FRAS1: variants seen among roughly 807,000 people sequenced by gnomAD.
The protein encoded by FRAS1 is extracellular matrix organizing protein FRAS1.
In FRAS1, 290 loss-of-function variants were observed where a neutral mutation model predicts 435.2. The ratio of observed to expected loss-of-function variants is 0.67; its 90% confidence interval spans 0.61 to 0.73. The LOEUF (loss-of-function observed/expected upper bound fraction) is 0.73, where lower values mean the gene tolerates loss of function less well. Ranked by LOEUF, FRAS1 falls within the 30% of genes least tolerant of loss-of-function variation. The probability of loss-of-function intolerance (pLI) is 0.00; values close to 1 mark genes in which losing one functional copy is unlikely to be tolerated. For synonymous variants in FRAS1, 1,800 were observed against 1,851.0 expected (o/e 0.97, Z 0.71); for missense variants, 4,860 against 5,001.5 (o/e 0.97, Z 0.85).
intron 2 of FRAS1, among the ~76,000 whole-genome samples, chr4:78,090,446 AT>A (rs565546185): frequency 6.6e-6 from 1 of 151,910 alleles, no homozygotes; most frequent in African/African-American, 2.4e-5. Flanking sequence ...TTTTCTATTG[AT>A]TTTTTTTGCC....
rs147737003 is a variant in FRAS1, at chr4:78,093,628, T to C, written c.108+27612T>C. Among the ~76,000 whole-genome samples the C allele has an allele frequency of 2.2e-4, 33 of 152,284 alleles. No homozygotes were observed. In the East Asian group the frequency reaches 6.2e-3, roughly 28 times the overall value. On this transcript the variant is annotated intron_variant, in intron 2 of 73. Coordinates refer to ENST00000512123, the MANE Select transcript of FRAS1 (RefSeq NM_025074.7). The stretch of plus-strand genomic sequence containing the variant: ...TATCTGGCCAGATGCTCTCCAACAT[T>C]TTATTTTAAATTTTTTATAAGGAAC...
At chr4:78,059,117 G>A (rs910832122) in intron 1 of FRAS1, among the ~76,000 whole-genome samples, 1 of 152,196 alleles carries the variant, frequency 6.6e-6, no homozygotes, top group Admixed American at 6.5e-5. Context: ...CGGCTGGGCG[G>A]CGGCGGCGGG....
At chr4:78,519,030 A>G (rs1489078227) in intron 66 of FRAS1, among the ~76,000 whole-genome samples, 2 of 152,186 alleles carry the variant, frequency 1.3e-5, no homozygotes, top group African/African-American at 4.8e-5. Flanking sequence ...ATTTCAGCCA[A>G]ATCTTCTAGC....
intron 2 of FRAS1, among the ~76,000 whole-genome samples, chr4:78,140,630 C>T (rs537439899): frequency 4.6e-5 from 7 of 150,772 alleles, no homozygotes; most frequent in East Asian, 2.0e-4. Context: ...TGTGTATACG[C>T]ATATACATAT....
rs1176532861 is a variant in FRAS1 at position 78,544,052 on chromosome 4, G to GA, written c.*2929dup. On this transcript the variant is annotated 3_prime_UTR_variant, in exon 74 of 74. Coordinates refer to ENST00000512123, the MANE Select transcript of FRAS1 (RefSeq NM_025074.7). ...TTGGAATGTGTTTGCACAGTCTTAT[G>GA]ATATTCAGTCTCAGTCTGCTATAGG... 1 of 151,826 alleles carries GA rather than the reference G, an allele frequency of 6.6e-6. No individual in the cohort carries two copies. The highest frequency in any genetic ancestry group is 1.5e-5 in the Non-Finnish European group (1 of 68,042). 9.4% of individuals were successfully genotyped at this position (151,826 alleles called of 1,614,324 possible). A position where few individuals can be genotyped will look rare whatever the true frequency, so the allele number is the denominator to read the frequency against.
chr4:78,116,227 G>C (rs1369900985), intron 2 of FRAS1, among the ~76,000 whole-genome samples: 5 of 152,196 alleles, frequency 3.3e-5, no homozygotes, highest in African/African-American at 9.7e-5. Flanking sequence ...TTTTACATTT[G>C]CCAAGGAGTG....
At chr4:78,384,255 CTTG>C in intron 28 of FRAS1, 112 bp downstream of exon 28, 5 of 804,210 alleles carry the variant, frequency 6.2e-6, no homozygotes, top group Non-Finnish European at 7.8e-6. Context: ...TTAATCTAGT[CTTG>C]GTTTCCTCTT....
rs1234938876 is a variant in FRAS1 at position 78,448,058 on chromosome 4, G to A, written c.6016G>A (p.Val2006Ile). Residue 2006 changes from valine to isoleucine, a missense_variant, in exon 44 of 74, where the codon GTA becomes ATA. By Grantham distance (29) the Val-to-Ile change is conservative (BLOSUM62 3). Transcript: ENST00000512123. ...VLTKKPDHGH[V>I]LWRQTASEPL... is the part of the protein sequence containing the mutation. The stretch of plus-strand genomic sequence containing the variant: ...TTCTTTACCTCTTCCCTCAGGTCAT[G>A]TACTCTGGAGGCAAACTGCTTCTGA... 1 of 1,607,462 alleles carries A rather than the reference G, an allele frequency of 6.2e-7. No individual in the cohort carries two copies. Among genetic ancestry groups the A allele is most frequent in the African/African-American group, 1.3e-5 (1 of 74,836 alleles).
intron 2 of FRAS1, among the ~76,000 whole-genome samples, chr4:78,120,174 A>T (rs1317657800): frequency 1.3e-5 from 2 of 151,762 alleles, no homozygotes; most frequent in Non-Finnish European, 3.0e-5. Context: ...CTTCTGACCA[A>T]CATATGTGCC....
intron 18 of FRAS1, among the ~76,000 whole-genome samples, chr4:78,329,844 G>A (rs1729872037): frequency 6.6e-6 from 1 of 152,238 alleles, no homozygotes; most frequent in African/African-American, 2.4e-5. Context: ...TGAGGCATTA[G>A]ATCAGGTGGC....
chr4:78,062,254 C>G (rs983225187), intron 1 of FRAS1, among the ~76,000 whole-genome samples: 9 of 152,308 alleles, frequency 5.9e-5, no homozygotes, highest in African/African-American at 1.7e-4. Flanking sequence ...AGTTCCAAAA[C>G]AGTTGGCCCA....
chr4:78,509,909 C>G (rs776830604), intron 63 of FRAS1, among the ~76,000 whole-genome samples: 34 of 152,160 alleles, frequency 2.2e-4, no homozygotes, highest in Admixed American at 5.9e-4. Context: ...TCTAGATTTT[C>G]CTGTTCATTC....
chr4:78,282,725 T>C, intron 11 of FRAS1, 95 bp from the exon 12 acceptor site: 1 of 1,458,920 alleles, frequency 6.9e-7, no homozygotes, highest in Non-Finnish European at 9.5e-7. Context: ...CTGCCTTCAC[T>C]TTGTTCTTAT....
intron 28 of FRAS1, among the ~76,000 whole-genome samples, chr4:78,386,218 G>C (rs964706326): frequency 1.3e-5 from 2 of 152,098 alleles, no homozygotes; most frequent in African/African-American, 4.8e-5. Context: ...TGGAATTTTA[G>C]AAAATCATTT....
rs761631204 is a variant in FRAS1, at chr4:78,537,136, A to G, written c.11234A>G (p.Asn3745Ser). The G allele has an allele frequency of 3.1e-6, 5 of 1,614,008 alleles. No individual in the cohort carries two copies. The highest frequency in any genetic ancestry group is 1.1e-5 in the South Asian group (1 of 91,078). ...TTTGATCCCACGGGGACAATCTACAATGAAGGGCCCCAGTATGGATGCATT... is the reference window on the plus strand; with the variant it reads ...TTTGATCCCACGGGGACAATCTACAGTGAAGGGCCCCAGTATGGATGCATT... Reference protein sequence around the residue: ...PFFDPTGTIYNEGPQYGCIQP... With the variant: ...PFFDPTGTIYSEGPQYGCIQP... The change falls in exon 72 of 74, where the codon AAT becomes AGT. Residue 3745 changes from asparagine to serine, a missense_variant. Asn to Ser is a conservative substitution (Grantham distance 46, BLOSUM62 1). Transcript: ENST00000512123.
Position 78,430,214 on chromosome 4 carries a change from G to A in FRAS1, c.4844-78G>A. The A allele has an allele frequency of 2.6e-6, 4 of 1,566,458 alleles. No individual in the cohort carries two copies. The Admixed American group carries it at 5.0e-5, about 20-fold the overall frequency. ...TACCCACAGCATGACTCCTAGCCTG[G>A]CCTGCGGTTTTAATATATAGTCTAT... is the stretch of plus-strand genomic sequence containing the variant. On this transcript the variant is annotated intron_variant, in intron 36 of 73. Coordinates refer to ENST00000512123, the MANE Select transcript of FRAS1 (RefSeq NM_025074.7).
intron 2 of FRAS1, among the ~76,000 whole-genome samples, chr4:78,171,540 C>T (rs1721559298): frequency 6.6e-6 from 1 of 152,152 alleles, no homozygotes; most frequent in Non-Finnish European, 1.5e-5. Flanking sequence ...CCCACCTCCA[C>T]CCCCACACCT....
chr4:78,261,637 A>G (rs907242057), intron 6 of FRAS1, among the ~76,000 whole-genome samples: 1 of 150,466 alleles, frequency 6.6e-6, no homozygotes, highest in African/African-American at 2.4e-5. Flanking sequence ...AAACACCCTT[A>G]TCTCCGAAGA....
rs1214598745 is a variant in FRAS1 at position 78,333,508 on chromosome 4, GAC to G, written c.2278+97_2278+98del. ...TAATTAGAAACCTTGTCATACCGGG[GAC>G]TAAGATTCAGCTGTAAATCCTTGTC... On this transcript the variant is annotated intron_variant, in intron 19 of 73. Coordinates refer to ENST00000512123, the MANE Select transcript of FRAS1 (RefSeq NM_025074.7). The G allele has an allele frequency of 5.4e-6, 7 of 1,287,276 alleles. No homozygotes were observed. In the African/African-American group the frequency reaches 9.1e-5, roughly 17 times the overall value. 79.7% of individuals were successfully genotyped at this position (1,287,276 alleles called of 1,614,324 possible).
Sources: allele counts gnomAD v4.1 joint callset (sites outside exome capture counted in the v4.1 genomes callset), GRCh38; gene constraint gnomAD v4.1.1; transcripts MANE v1.5; gene names NCBI Gene and HGNC (gene_info 2026-07-23, HGNC 2026-07-21).